The following NRXN1 variants were observed in gnomAD, a reference collection of about 807,000 sequenced individuals.
The protein encoded by NRXN1 is neurexin 1, also known as neurexin-1.
Under a neutral mutation model 150.9 loss-of-function variants are expected in NRXN1, and 39 were observed. That is an observed-to-expected ratio of 0.26 (90% CI 0.20 to 0.34). The LOEUF is 0.34. Among genes scored for constraint, NRXN1 ranks in the 10% least tolerant of loss-of-function variants. NRXN1 has a pLI of 1.00. For synonymous variants in NRXN1, 924 were observed against 757.0 expected, an observed-to-expected ratio of 1.22 and a Z score of -3.62; for missense variants, 1,815 against 1,949.9, an observed-to-expected ratio of 0.93 and a Z score of 1.30.
chr2:50,244,056 ATG>A (rs2066281218), intron 17 of NRXN1, among the ~76,000 whole-genome samples: 1 of 151,864 alleles, frequency 6.6e-6, no homozygotes, highest in Non-Finnish European at 1.5e-5. Flanking sequence ...TCTAATAAAA[ATG>A]TTTTTCTAAT....
intron 5 of NRXN1, among the ~76,000 whole-genome samples, chr2:50,630,931 C>G (rs2104396622): frequency 6.6e-6 from 1 of 151,780 alleles, no homozygotes; most frequent in East Asian, 1.9e-4. Context: ...GCTGTCTCTG[C>G]TATAAGATAA....
At chr2:50,203,024 C>T (rs764572666) in intron 18 of NRXN1, among the ~76,000 whole-genome samples, 6 of 151,960 alleles carry the variant, frequency 3.9e-5, no homozygotes, top group African/African-American at 2.4e-5. Flanking sequence ...GCCTGGAAAA[C>T]GGTAAAAAAG....
intron 5 of NRXN1, among the ~76,000 whole-genome samples, chr2:50,754,724 C>A (rs1444034447): frequency 2.6e-5 from 4 of 151,978 alleles, no homozygotes; most frequent in African/African-American, 9.6e-5. Context: ...AACTGTTTTA[C>A]CATATGCCTC....
intron 21 of NRXN1, among the ~76,000 whole-genome samples, chr2:49,955,436 A>G (rs1314108148): frequency 6.6e-6 from 1 of 152,174 alleles, no homozygotes; most frequent in Non-Finnish European, 1.5e-5. Context: ...AAGTGACATT[A>G]TCTTTAACTG....
intron 18 of NRXN1, among the ~76,000 whole-genome samples, chr2:50,163,185 T>A (rs1003606867): frequency 1.1e-4 from 16 of 146,410 alleles, no homozygotes; most frequent in African/African-American, 2.5e-4. Flanking sequence ...TATATATATA[T>A]AAAACAATAC....
At chr2:50,937,976 C>A (rs1438041627) in intron 2 of NRXN1, among the ~76,000 whole-genome samples, 1 of 152,066 alleles carries the variant, frequency 6.6e-6, no homozygotes, top group African/African-American at 2.4e-5. Context: ...GCTATCAACC[C>A]ATGTAGCATG....
chr2:51,008,898 G>C (rs991457409), intron 2 of NRXN1, among the ~76,000 whole-genome samples: 2 of 151,218 alleles, frequency 1.3e-5, no homozygotes, highest in African/African-American at 2.4e-5. Flanking sequence ...TTAGTTTTAG[G>C]CAATTTTTTC....
At chr2:50,968,682 A>G (rs1240334286) in intron 2 of NRXN1, among the ~76,000 whole-genome samples, 1 of 152,140 alleles carries the variant, frequency 6.6e-6, no homozygotes, top group Non-Finnish European at 1.5e-5. Flanking sequence ...AAAAATAAAT[A>G]TCAAATTCCC....
At chr2:50,548,825 C>T (rs190765144) in intron 9 of NRXN1, among the ~76,000 whole-genome samples, 2 of 152,098 alleles carry the variant, frequency 1.3e-5, no homozygotes, top group African/African-American at 4.8e-5. Flanking sequence ...AAATTAATGA[C>T]CATAATGGTC....
chr2:50,818,263 T>G (rs1669222631), intron 5 of NRXN1, among the ~76,000 whole-genome samples: 1 of 151,804 alleles, frequency 6.6e-6, no homozygotes, highest in South Asian at 2.1e-4. Flanking sequence ...GCTGATTGCT[T>G]TAGATAGTTT....
chr2:50,257,233 T>C (rs930065773), intron 17 of NRXN1, among the ~76,000 whole-genome samples: 22 of 152,216 alleles, frequency 1.4e-4, no homozygotes, highest in Middle Eastern at 3.4e-3. Context: ...GATAATCTAT[T>C]ACCTTTTTAA....
At chr2:50,060,596 A>G (rs562701094) in intron 19 of NRXN1, among the ~76,000 whole-genome samples, 1 of 152,030 alleles carries the variant, frequency 6.6e-6, no homozygotes, top group Non-Finnish European at 1.5e-5. Flanking sequence ...CCCCACCCAA[A>G]TCTCATCTTG....
chr2:50,556,880 A>G (rs1668337217), intron 8 of NRXN1, among the ~76,000 whole-genome samples: 1 of 152,138 alleles, frequency 6.6e-6, no homozygotes, highest in Admixed American at 6.5e-5. Context: ...TGACATCTAT[A>G]AAGGAAAGGC....
chr2:50,603,874 C>G (rs745580090), intron 8 of NRXN1, among the ~76,000 whole-genome samples: 1 of 152,180 alleles, frequency 6.6e-6, no homozygotes, highest in Non-Finnish European at 1.5e-5. Context: ...CGATTAAAGA[C>G]TGCATCTCAT....
intron 17 of NRXN1, among the ~76,000 whole-genome samples, chr2:50,313,699 A>C (rs2075361917): frequency 6.6e-6 from 1 of 152,178 alleles, no homozygotes; most frequent in African/African-American, 2.4e-5. Flanking sequence ...CCCATTAAAC[A>C]AAAGCATAAA....
intron 21 of NRXN1, among the ~76,000 whole-genome samples, chr2:50,017,421 A>C (rs1439090620): frequency 6.6e-6 from 1 of 152,212 alleles, no homozygotes; most frequent in African/African-American, 2.4e-5. Flanking sequence ...ATGTTAAATA[A>C]TAAAAGCTAC....
Position 50,609,970 on chromosome 2 carries a change from A to T in NRXN1, c.1320+10052T>A, listed in dbSNP as rs1677759648. 2.0e-5 allele frequency among the ~76,000 whole-genome samples: 3 copies of T among 152,144 alleles called. 1 individual carries two copies. Among genetic ancestry groups the T allele is most frequent in the South Asian group, 2.1e-4 (1 of 4,834 alleles). On this transcript the variant is annotated intron_variant, in intron 8 of 22. Transcript: ENST00000401669. ...TCATTTTCCTATTATTCAAAATCAC[A>T]TGCTTCGGAATAAGAGTATTATTTT...
intron 17 of NRXN1, among the ~76,000 whole-genome samples, chr2:50,291,597 G>C (rs941668935): frequency 6.6e-5 from 10 of 152,142 alleles, no homozygotes; most frequent in African/African-American, 2.2e-4. Context: ...CCCAATACCA[G>C]CTAGAAACAA....
intron 21 of NRXN1, among the ~76,000 whole-genome samples, chr2:49,977,573 G>GGGACCAA (rs1378893342): frequency 2.6e-5 from 4 of 152,120 alleles, no homozygotes; most frequent in Admixed American, 1.3e-4. Context: ...AGAAGAGAAG[G>GGGACCAA]GGACCAAGGA....
Sources: gnomAD v4.1 joint callset for allele counts (sites outside exome capture counted in the v4.1 genomes callset) on GRCh38, gnomAD v4.1.1 for gene constraint, MANE v1.5 for transcripts, NCBI Gene and HGNC (gene_info 2026-07-23, HGNC 2026-07-21) for gene names.